CTNNA3: variants seen among roughly 807,000 people sequenced by gnomAD.
CTNNA3 encodes catenin alpha 3.
A neutral mutation model predicts 95.7 loss-of-function variants in CTNNA3; 76 were observed. The ratio of observed to expected loss-of-function variants is 0.79; its 90% CI spans 0.66 to 0.96. CTNNA3 has a LOEUF of 0.96. Ranked by LOEUF, CTNNA3 falls within the 40% of genes least tolerant of loss-of-function variation. CTNNA3 has a pLI of 0.00. For missense variants in CTNNA3, 1,191 were observed against 1,089.8 expected (o/e 1.09, Z -1.31); for synonymous variants, 431 against 374.4 (o/e 1.15, Z -1.74).
upstream of CTNNA3, among the ~76,000 whole-genome samples, chr10:67,698,544 C>A (rs1346418243): frequency 6.6e-6 from 1 of 152,146 alleles, no homozygotes; most frequent in African/African-American, 2.4e-5. Context: ...GTAGTTTCTT[C>A]TTGTCAATAA....
At chr10:67,181,254 C>A (rs1380837053) in intron 6 of CTNNA3, among the ~76,000 whole-genome samples, 1 of 152,110 alleles carries the variant, frequency 6.6e-6, no homozygotes, top group Non-Finnish European at 1.5e-5. Context: ...ATTATAACTT[C>A]CAGCTATTTC....
At chr10:66,311,167 T>A (rs1352530365) in intron 12 of CTNNA3, among the ~76,000 whole-genome samples, 1 of 152,218 alleles carries the variant, frequency 6.6e-6, no homozygotes, top group East Asian at 1.9e-4. Context: ...GTTCTACAGA[T>A]TGTGGAGAGC....
At chr10:66,627,673 T>C (rs1386190495) in intron 9 of CTNNA3, among the ~76,000 whole-genome samples, 1 of 152,054 alleles carries the variant, frequency 6.6e-6, no homozygotes, top group African/African-American at 2.4e-5. Flanking sequence ...AATGCCTGCC[T>C]CTGGGTTTAG....
At chr10:67,027,585 C>A (rs964921332) in intron 7 of CTNNA3, among the ~76,000 whole-genome samples, 4 of 151,892 alleles carry the variant, frequency 2.6e-5, no homozygotes, top group African/African-American at 9.7e-5. Flanking sequence ...AACATGTGCG[C>A]CACCATGCCC....
chr10:66,634,725 A>C (rs1845276864), intron 9 of CTNNA3, among the ~76,000 whole-genome samples: 2 of 152,034 alleles, frequency 1.3e-5, no homozygotes, highest in South Asian at 4.1e-4. Flanking sequence ...TGTGTCTGAA[A>C]TTCTTGTCCC....
chr10:67,688,138 T>G (rs185034825), intron 1 of CTNNA3, among the ~76,000 whole-genome samples: 1 of 152,210 alleles, frequency 6.6e-6, no homozygotes, highest in Admixed American at 6.5e-5. Context: ...AAGACATCTA[T>G]ATACCTAACA....
chr10:66,335,510 G>C (rs868249492), intron 12 of CTNNA3, among the ~76,000 whole-genome samples: 2 of 152,076 alleles, frequency 1.3e-5, no homozygotes, highest in African/African-American at 2.4e-5. Context: ...GACCCTCTTT[G>C]CCTGGGTATC....
At chr10:67,632,260 C>T (rs963189301) in intron 2 of CTNNA3, among the ~76,000 whole-genome samples, 3 of 151,308 alleles carry the variant, frequency 2.0e-5, no homozygotes, top group African/African-American at 7.3e-5. Context: ...ACATCGTACA[C>T]CCTGAATGTA....
chr10:67,552,822 C>T (rs1841080429), intron 3 of CTNNA3, among the ~76,000 whole-genome samples: 1 of 152,112 alleles, frequency 6.6e-6, no homozygotes, highest in African/African-American at 2.4e-5. Context: ...CAATTCCATT[C>T]ATGTCCCTGC....
chr10:66,349,188 G>T (rs772134792), intron 12 of CTNNA3, among the ~76,000 whole-genome samples: 3 of 152,074 alleles, frequency 2.0e-5, no homozygotes, highest in Non-Finnish European at 2.9e-5. Context: ...AAACCTGTGG[G>T]CAGCCTCTAG....
chr10:67,388,279 C>A (rs1433109365), intron 5 of CTNNA3, among the ~76,000 whole-genome samples: 152 of 131,770 alleles, frequency 1.2e-3, no homozygotes, highest in Admixed American at 4.1e-3. Context: ...GCCTCAGGAG[C>A]CGATGCGATC....
rs1183531701 is a variant in CTNNA3 at position 66,766,365 on chromosome 10, C to T, written c.1180G>A (p.Val394Ile). 4.3e-6 allele frequency: 7 copies of T among 1,613,710 alleles called. No homozygotes were observed. In the East Asian group the frequency reaches 1.3e-4, roughly 31 times the overall value. Residue 394 changes from valine (V) to isoleucine (I), a missense_variant, in exon 9 of 18, where the codon GTC becomes ATC. Physicochemically the swap from Val to Ile is conservative, Grantham distance 29. Coordinates refer to ENST00000433211, the MANE Select transcript of CTNNA3 (RefSeq NM_013266.4). ...HVSDSFLDTT[V>I]PLLVLIEAAK... is the part of the protein sequence containing the mutation. ...GCTTCAATGAGAACCAAAAGAGGGA[C>T]TGTCGTATCCAGGAAAGAGTCTGAC...
intron 12 of CTNNA3, among the ~76,000 whole-genome samples, chr10:66,330,158 G>A (rs1057371586): frequency 5.9e-5 from 9 of 151,980 alleles, no homozygotes; most frequent in African/African-American, 2.2e-4. Context: ...ATGTTGGTGT[G>A]CTGCATCCAT....
At chr10:67,708,166 T>C (rs537392080) in intron 1 of CTNNA3, among the ~76,000 whole-genome samples, 1 of 152,188 alleles carries the variant, frequency 6.6e-6, no homozygotes, top group Non-Finnish European at 1.5e-5. Context: ...TTTTTCTCAT[T>C]TAATTTTCCC....
chr10:67,240,070 C>G (rs932766163), intron 5 of CTNNA3, among the ~76,000 whole-genome samples: 1 of 152,166 alleles, frequency 6.6e-6, no homozygotes, highest in Admixed American at 6.6e-5. Context: ...CTCTGCTCAA[C>G]AAAGCAGAGC....
At chr10:67,228,625 A>G (rs1865045340) in intron 5 of CTNNA3, among the ~76,000 whole-genome samples, 1 of 151,126 alleles carries the variant, frequency 6.6e-6, no homozygotes, top group Non-Finnish European at 1.5e-5. Context: ...AAAAAAAAAT[A>G]GAAAGAAACA....
intron 12 of CTNNA3, among the ~76,000 whole-genome samples, chr10:66,315,223 C>G (rs1484090526): frequency 6.6e-6 from 1 of 151,906 alleles, no homozygotes; most frequent in Admixed American, 6.6e-5. Flanking sequence ...TTTCCAGATT[C>G]CCAGTTCTAA....
At position 65,945,957 on chromosome 10, in the gene CTNNA3, C is replaced by G. The variant is rs7100931; in HGVS notation, c.2400+20655G>C. ...CTGCTCAAAGGGAAAGATAGGAACC[C>G]TGGATCTGCTCAATTTTACATTTTC... On this transcript the variant is annotated intron_variant, in intron 17 of 17. Coordinates refer to ENST00000433211, the MANE Select transcript of CTNNA3 (RefSeq NM_013266.4). 8.5e-4 allele frequency among the ~76,000 whole-genome samples: 129 copies of G among 152,246 alleles called. 2 individuals carry two copies. Among genetic ancestry groups the G allele is most frequent in the African/African-American group, 3.0e-3 (124 of 41,554 alleles).
intron 7 of CTNNA3, among the ~76,000 whole-genome samples, chr10:67,085,408 G>T (rs973435637): frequency 6.6e-6 from 1 of 150,922 alleles, no homozygotes; most frequent in Non-Finnish European, 1.5e-5. Context: ...AAAATGAGAG[G>T]GACTAAAAGT....
Sources: gnomAD v4.1 joint callset for allele counts (sites outside exome capture counted in the v4.1 genomes callset) on GRCh38, gnomAD v4.1.1 for gene constraint, MANE v1.5 for transcripts, NCBI Gene and HGNC (gene_info 2026-07-23, HGNC 2026-07-21) for gene names.